Variants in NTRK3 observed in about 807,000 individuals in gnomAD.
NTRK3 encodes neurotrophic receptor tyrosine kinase 3.
In NTRK3, 24 loss-of-function variants were observed where a neutral mutation model predicts 91.7. The ratio of observed to expected loss-of-function variants is 0.26; its 90% CI spans 0.19 to 0.37. The LOEUF (loss-of-function observed/expected upper bound fraction) is 0.37, where lower values mean the gene tolerates loss of function less well. Among genes scored for constraint, NTRK3 ranks in the 10% least tolerant of loss-of-function variants. NTRK3 has a pLI of 1.00. For missense variants in NTRK3, 880 were observed against 1,068.9 expected, an observed-to-expected ratio of 0.82 and a Z score of 2.46; for synonymous variants, 483 against 404.0, an observed-to-expected ratio of 1.20 and a Z score of -2.34.
At chr15:87,952,794 CCCCACT>C (rs1390838128) in intron 14 of NTRK3, among the ~76,000 whole-genome samples, 1 of 152,130 alleles carries the variant, frequency 6.6e-6, no homozygotes, top group Non-Finnish European at 1.5e-5. Context: ...TGTTCCCATT[CCCCACT>C]CCCACTCCCG....
intron 13 of NTRK3, among the ~76,000 whole-genome samples, chr15:88,064,371 T>C (rs920557859): frequency 5.9e-5 from 9 of 152,248 alleles, no homozygotes; most frequent in African/African-American, 2.2e-4. Flanking sequence ...ACTGATTTTA[T>C]AGCTCGTCCT....
intron 12 of NTRK3, 74 bp from the exon 13 acceptor site, chr15:88,126,447 C>A: frequency 2.0e-6 from 2 of 998,064 alleles, no homozygotes; most frequent in East Asian, 4.9e-5. Context: ...ATGTGTGTGC[C>A]CAGATAAGAA....
chr15:87,980,218 T>C (rs921708847), intron 14 of NTRK3, among the ~76,000 whole-genome samples: 23 of 152,228 alleles, frequency 1.5e-4, no homozygotes, highest in Non-Finnish European at 3.2e-4. Flanking sequence ...CATACAGCCA[T>C]GGACTGAGTT....
intron 17 of NTRK3, among the ~76,000 whole-genome samples, chr15:87,908,883 T>A (rs2066925233): frequency 6.6e-6 from 1 of 151,694 alleles, no homozygotes; most frequent in African/African-American, 2.4e-5. Context: ...CTGTGGGACA[T>A]GAAGACGCAA....
In NTRK3 at chr15:88,153,132, G is replaced by C. The variant is rs77901528; in HGVS notation, c.396-5729C>G. On this transcript the variant is annotated intron_variant, in intron 5 of 18. Transcript: ENST00000394480. ...GTGACTTGCTGGCTGCAATCATTATGGTGCAAATCTTATTTCTTTCATCCA... is the reference window on the plus strand; with the variant it reads ...GTGACTTGCTGGCTGCAATCATTATCGTGCAAATCTTATTTCTTTCATCCA... Among the ~76,000 whole-genome samples, 270 of 152,244 alleles carry C rather than the reference G, an allele frequency of 1.8e-3. 1 individual carries two copies. The highest frequency in any genetic ancestry group is 6.4e-3 in the African/African-American group (264 of 41,550).
intron 17 of NTRK3, among the ~76,000 whole-genome samples, chr15:87,921,940 C>T (rs1452826434): frequency 1.3e-5 from 2 of 151,926 alleles, no homozygotes; most frequent in African/African-American, 4.8e-5. Context: ...AGAATTCTAT[C>T]ATTATTCAAG....
rs111330672 is a variant in NTRK3 at position 88,155,536 on chromosome 15, C to A, written c.396-8133G>T. On this transcript the variant is annotated intron_variant, in intron 5 of 18. Coordinates refer to ENST00000394480, the Ensembl canonical transcript of NTRK3. ...GTTAATTTGTTACAACAGCAATGAG[C>A]AACTAATAGGGCCACTTTCACATTA... Among the ~76,000 whole-genome samples, 428 of 152,294 alleles carry A rather than the reference C, an allele frequency of 2.8e-3. 3 individuals carry two copies. In the Middle Eastern group the frequency reaches 0.031, roughly 11 times the overall value.
chr15:88,015,487 G>C (rs1333201478), intron 14 of NTRK3, among the ~76,000 whole-genome samples: 1 of 151,910 alleles, frequency 6.6e-6, no homozygotes, highest in Non-Finnish European at 1.5e-5. Flanking sequence ...TTTCCCCGCA[G>C]CGTCCTAGCT....
chr15:88,070,313 C>G (rs1381163889), intron 13 of NTRK3, among the ~76,000 whole-genome samples: 1 of 152,184 alleles, frequency 6.6e-6, no homozygotes, highest in East Asian at 1.9e-4. Flanking sequence ...GAGCCCTCCT[C>G]TTTCCCTTCA....
intron 13 of NTRK3, among the ~76,000 whole-genome samples, chr15:88,059,339 C>A (rs1369378354): frequency 6.6e-6 from 1 of 152,162 alleles, no homozygotes; most frequent in Non-Finnish European, 1.5e-5. Context: ...CCAGAACATA[C>A]AATGATTTTG....
intron 17 of NTRK3, among the ~76,000 whole-genome samples, chr15:87,918,639 T>A (rs1305519060): frequency 2.6e-5 from 4 of 152,242 alleles, no homozygotes; most frequent in Non-Finnish European, 5.9e-5. Flanking sequence ...TGGCTTATGA[T>A]AGAGCAACAC....
chr15:87,894,700 C>T lies in NTRK3; in HGVS notation c.2134-14272G>A, dbSNP rs547343360. On this transcript the variant is annotated intron_variant, in intron 17 of 18. Transcript: ENST00000394480. ...GGAATGAACCTTTCTCACTGCCCCC[C>T]TTCTCCAACTGTTGGTATGTCTCAA... Among the ~76,000 whole-genome samples, 13 of 152,334 alleles carry T rather than the reference C, an allele frequency of 8.5e-5. No homozygotes were observed. In the South Asian group the frequency reaches 2.1e-3, roughly 24 times the overall value.
rs142153637 is a variant in NTRK3 at position 88,141,487 on chromosome 15, T to C, written c.465-3926A>G. On this transcript the variant is annotated intron_variant, in intron 6 of 18. Transcript: ENST00000394480. Reference sequence around the variant, plus strand: ...GAGAGGCCTGGCCACCCTGCTAGAATGACAAGGAGGGTCCAGATGCTTGAA... The same window carrying C: ...GAGAGGCCTGGCCACCCTGCTAGAACGACAAGGAGGGTCCAGATGCTTGAA... Among the ~76,000 whole-genome samples the C allele has an allele frequency of 6.3e-3, 962 of 152,290 alleles. 13 individuals carry two copies. The highest frequency in any genetic ancestry group is 0.022 in the African/African-American group (908 of 41,556).
chr15:88,233,157 T>C lies in NTRK3; in HGVS notation c.248+22749A>G, dbSNP rs553298460. The stretch of plus-strand genomic sequence containing the variant: ...TCTATTTCGGAGCCACCCCAGGCTA[T>C]TTTCCTCTGGAGCTAAAGCCTGAAT... On this transcript the variant is annotated intron_variant, in intron 3 of 18. Transcript: ENST00000394480. This position sits in a 1 kb window ranked among gnomAD's most constrained non-coding sequence, Gnocchi z 4.2. Among the ~76,000 whole-genome samples, 1 of 152,314 alleles carries C rather than the reference T, an allele frequency of 6.6e-6. No individual in the cohort carries two copies. Among genetic ancestry groups the C allele is most frequent in the South Asian group, 2.1e-4 (1 of 4,824 alleles).
intron 5 of NTRK3, among the ~76,000 whole-genome samples, chr15:88,160,323 C>A (rs1025277898): frequency 1.3e-5 from 2 of 152,158 alleles, no homozygotes; most frequent in Non-Finnish European, 2.9e-5. Flanking sequence ...GGACCCATAC[C>A]CCTGGTTGCC....
intron 3 of NTRK3, among the ~76,000 whole-genome samples, chr15:88,194,050 A>T (rs1164806051): frequency 6.6e-6 from 1 of 151,536 alleles, no homozygotes; most frequent in African/African-American, 2.4e-5. Context: ...AATCCAATCG[A>T]CTCTTCTCTG....
chr15:88,211,591 A>C (rs1194857487), intron 3 of NTRK3, among the ~76,000 whole-genome samples: 1 of 152,270 alleles, frequency 6.6e-6, no homozygotes, highest in Non-Finnish European at 1.5e-5. Flanking sequence ...ATAATTAGGA[A>C]TGTAAGCAAA....
chr15:88,128,783 A>G (rs1185974069), intron 10 of NTRK3, 49 bp from the exon 11 acceptor site: 2 of 1,529,560 alleles, frequency 1.3e-6, no homozygotes, highest in African/African-American at 1.4e-5. Flanking sequence ...TAAAAACCAG[A>G]ACAGACACAC....
At chr15:88,071,245 G>A (rs1007931078) in intron 13 of NTRK3, among the ~76,000 whole-genome samples, 2 of 152,234 alleles carry the variant, frequency 1.3e-5, no homozygotes, top group Admixed American at 1.3e-4. Context: ...GCAGAAGCGG[G>A]TGCTACTTTC....
Sources: allele counts gnomAD v4.1 joint callset (sites outside exome capture counted in the v4.1 genomes callset), GRCh38; gene constraint gnomAD v4.1.1; non-coding constraint Gnocchi (gnomAD v3.1); transcripts MANE v1.5; gene names NCBI Gene and HGNC (gene_info 2026-07-23, HGNC 2026-07-21).